AK5: variants seen among roughly 807,000 people sequenced by gnomAD.
The protein encoded by AK5 is adenylate kinase 5, also known as adenylate kinase isoenzyme 5.
Under a neutral mutation model 69.5 loss-of-function variants are expected in AK5, and 27 were observed. That is an observed-to-expected ratio of 0.39 (90% CI 0.29 to 0.54). The LOEUF (loss-of-function observed/expected upper bound fraction) is 0.54. Ranked by LOEUF, AK5 falls within the 20% of genes least tolerant of loss-of-function variation. The pLI, the probability that AK5 is intolerant of heterozygous loss-of-function variation, is 0.71. For missense variants in AK5, 531 were observed against 700.4 expected (o/e 0.76, Z 2.73); for synonymous variants, 260 against 244.4 (o/e 1.06, Z -0.60).
intron 6 of AK5, among the ~76,000 whole-genome samples, chr1:77,390,354 A>G (rs550675537): frequency 1.3e-5 from 2 of 152,352 alleles, no homozygotes; most frequent in South Asian, 4.1e-4. Context: ...AAAAGTTTTT[A>G]CTAGAGCACA....
At chr1:77,410,907 T>C in intron 6 of AK5, 74 bp from the exon 7 acceptor site, 1 of 1,115,282 alleles carries the variant, frequency 9.0e-7, no homozygotes, top group Non-Finnish European at 1.3e-6. Flanking sequence ...GTGTGATGGA[T>C]GCTCATTATA....
chr1:77,487,889 A>C (rs190010847), intron 10 of AK5, among the ~76,000 whole-genome samples: 1 of 152,262 alleles, frequency 6.6e-6, no homozygotes, highest in South Asian at 2.1e-4. Context: ...CAGAGCTGCC[A>C]TCTTAGATGA....
rs563194844 is a variant in AK5 at position 77,372,431 on chromosome 1, A to G, written c.891+31863A>G. ...ATGGAAAAACAGTTATTACATTTCAACACTCCAGGAAATTAAAAGAAGAGG... is the reference window on the plus strand; with the variant it reads ...ATGGAAAAACAGTTATTACATTTCAGCACTCCAGGAAATTAAAAGAAGAGG... On this transcript the variant is annotated intron_variant, in intron 6 of 13. Coordinates refer to ENST00000354567, the MANE Select transcript of AK5 (RefSeq NM_174858.3). Among the ~76,000 whole-genome samples, 3 of 152,324 alleles carry G rather than the reference A, an allele frequency of 2.0e-5. No homozygotes were observed. In the South Asian group the frequency reaches 6.2e-4, roughly 32 times the overall value.
intron 8 of AK5, among the ~76,000 whole-genome samples, chr1:77,422,010 C>T (rs1261549943): frequency 6.6e-6 from 1 of 152,070 alleles, no homozygotes; most frequent in Non-Finnish European, 1.5e-5. Context: ...ATGTCCAAAA[C>T]CACGCTCACC....
intron 6 of AK5, among the ~76,000 whole-genome samples, chr1:77,354,273 C>T (rs867489249): frequency 6.6e-6 from 1 of 152,168 alleles, no homozygotes; most frequent in East Asian, 1.9e-4. Context: ...AAATAATCTA[C>T]AAATATATTC....
chr1:77,369,397 A>G (rs1647077935), intron 6 of AK5, among the ~76,000 whole-genome samples: 1 of 152,146 alleles, frequency 6.6e-6, no homozygotes, highest in Non-Finnish European at 1.5e-5. Flanking sequence ...TTATTAGAAA[A>G]TTGTTTTTTC....
At chr1:77,461,403 T>A (rs1157380525) in intron 8 of AK5, among the ~76,000 whole-genome samples, 2 of 150,848 alleles carry the variant, frequency 1.3e-5, no homozygotes, top group Admixed American at 6.6e-5. Context: ...GAGGCTGGGG[T>A]GGTTAGTGGG....
intron 6 of AK5, among the ~76,000 whole-genome samples, chr1:77,361,174 C>T (rs1378216070): frequency 6.6e-6 from 1 of 152,184 alleles, no homozygotes; most frequent in African/African-American, 2.4e-5. Flanking sequence ...CACCTATTTT[C>T]CCTGACTACT....
At chr1:77,348,221 A>T (rs940602938) in intron 6 of AK5, among the ~76,000 whole-genome samples, 1 of 152,244 alleles carries the variant, frequency 6.6e-6, no homozygotes, top group Admixed American at 6.5e-5. Context: ...AGGCTCTCAC[A>T]TGATAACTAT....
chr1:77,445,427 C>G lies in AK5; in HGVS notation c.1059+27712C>G, dbSNP rs1652688082. Among the ~76,000 whole-genome samples, 5 of 152,126 alleles carry G rather than the reference C, an allele frequency of 3.3e-5. No individual in the cohort carries two copies. The South Asian group carries it at 1.0e-3, about 32-fold the overall frequency. On this transcript the variant is annotated intron_variant, in intron 8 of 13. Transcript: ENST00000354567. The stretch of plus-strand genomic sequence containing the variant: ...ACCTGTTGGCCATTTTTAATATCAT[C>G]TTTGGAGAAATGTCTATCCAAGTCC...
At chr1:77,330,476 A>G (rs1268669907) in intron 5 of AK5, among the ~76,000 whole-genome samples, 2 of 152,168 alleles carry the variant, frequency 1.3e-5, no homozygotes, top group Non-Finnish European at 2.9e-5. Flanking sequence ...CACTTTACCC[A>G]GTACCATTTG....
chr1:77,442,032 T>C (rs1652362701), intron 8 of AK5, among the ~76,000 whole-genome samples: 1 of 152,072 alleles, frequency 6.6e-6, no homozygotes, highest in African/African-American at 2.4e-5. Flanking sequence ...TAAAGGATAC[T>C]CTGGAGGTTT....
intron 6 of AK5, among the ~76,000 whole-genome samples, chr1:77,355,980 A>T (rs112168226): frequency 6.6e-6 from 1 of 152,090 alleles, no homozygotes; most frequent in African/African-American, 2.4e-5. Flanking sequence ...AGCCTGAAAA[A>T]ATGTTTCCAC....
At chr1:77,352,956 A>C (rs1043101623) in intron 6 of AK5, among the ~76,000 whole-genome samples, 21 of 152,202 alleles carry the variant, frequency 1.4e-4, no homozygotes, top group Admixed American at 2.0e-4. Flanking sequence ...AAATTGAGCA[A>C]AGTTAAGGTC....
intron 13 of AK5, among the ~76,000 whole-genome samples, chr1:77,556,691 G>C (rs1202593605): frequency 6.6e-6 from 1 of 152,110 alleles, no homozygotes; most frequent in Non-Finnish European, 1.5e-5. Context: ...GAAAGCCCTA[G>C]GGGAAGAAAA....
At chr1:77,358,689 A>T (rs574950602) in intron 6 of AK5, among the ~76,000 whole-genome samples, 1 of 152,168 alleles carries the variant, frequency 6.6e-6, no homozygotes, top group Non-Finnish European at 1.5e-5. Context: ...AATTCCTTCT[A>T]TCCTTAGCTC....
intron 6 of AK5, among the ~76,000 whole-genome samples, chr1:77,348,211 A>G (rs1662008291): frequency 6.6e-6 from 1 of 152,212 alleles, no homozygotes; most frequent in Non-Finnish European, 1.5e-5. Flanking sequence ...GTAGAAAGCA[A>G]GGCTCTCACA....
chr1:77,312,486 A>G (rs1459871616), intron 5 of AK5, among the ~76,000 whole-genome samples: 3 of 152,024 alleles, frequency 2.0e-5, no homozygotes, highest in Non-Finnish European at 2.9e-5. Flanking sequence ...GTGGTGGCAC[A>G]TGCCTGTAAT....
At chr1:77,341,415 C>G (rs1370864438) in intron 6 of AK5, among the ~76,000 whole-genome samples, 1 of 152,216 alleles carries the variant, frequency 6.6e-6, no homozygotes, top group African/African-American at 2.4e-5. Context: ...CTCCTCTCAG[C>G]CCTCGGGCCC....
Sources: allele counts gnomAD v4.1 joint callset (sites outside exome capture counted in the v4.1 genomes callset), GRCh38; gene constraint gnomAD v4.1.1; transcripts MANE v1.5; gene names NCBI Gene and HGNC (gene_info 2026-07-23, HGNC 2026-07-21).